Variants in CDH18 observed in about 807,000 individuals in gnomAD.
CDH18 encodes the protein cadherin 18, also known as cadherin-18.
A neutral mutation model predicts 67.9 loss-of-function variants in CDH18; 31 were observed. That is an observed-to-expected ratio of 0.46 (90% confidence interval 0.34 to 0.62). CDH18 has a LOEUF of 0.62. Ranked by LOEUF, CDH18 falls within the 20% of genes least tolerant of loss-of-function variation. CDH18 has a pLI of 0.01. For missense variants in CDH18, 890 were observed against 975.5 expected (o/e 0.91, Z 1.17); for synonymous variants, 362 against 347.2 (o/e 1.04, Z -0.48).
At chr5:20,140,472 T>G (rs1176602792) in intron 2 of CDH18, among the ~76,000 whole-genome samples, 1 of 151,830 alleles carries the variant, frequency 6.6e-6, no homozygotes, top group Admixed American at 6.6e-5. Context: ...ATAATAAAAA[T>G]AAAATAAAAT....
intron 1 of CDH18, among the ~76,000 whole-genome samples, chr5:20,542,148 G>GT (rs1257900787): frequency 6.6e-6 from 1 of 152,104 alleles, no homozygotes; most frequent in Non-Finnish European, 1.5e-5. Flanking sequence ...GTTTCACCAT[G>GT]TTCACCATCA....
At chr5:19,840,107 TA>T (rs72220439) in intron 2 of CDH18, among the ~76,000 whole-genome samples, 29 of 141,924 alleles carry the variant, frequency 2.0e-4, no homozygotes, top group African/African-American at 4.5e-4. Context: ...AATAAAAAAA[TA>T]AAAAAAAAAA....
intron 2 of CDH18, among the ~76,000 whole-genome samples, chr5:20,170,881 C>T (rs1736649010): frequency 6.6e-6 from 1 of 151,904 alleles, no homozygotes; most frequent in Non-Finnish European, 1.5e-5. Flanking sequence ...TTGTAGGCTT[C>T]TGTGTCTGTT....
chr5:20,552,707 C>T (rs892167655), intron 1 of CDH18, among the ~76,000 whole-genome samples: 16 of 151,768 alleles, frequency 1.1e-4, no homozygotes, highest in Non-Finnish European at 1.5e-4. Context: ...ACTTAGTCTA[C>T]GTGAAATTTC....
chr5:19,588,675 A>C (rs1744612387), intron 7 of CDH18, among the ~76,000 whole-genome samples: 1 of 152,078 alleles, frequency 6.6e-6, no homozygotes, highest in Admixed American at 6.6e-5. Flanking sequence ...GTGCAAAGAC[A>C]CTTATGGGCT....
intron 2 of CDH18, among the ~76,000 whole-genome samples, chr5:19,931,389 T>C (rs577119411): frequency 2.0e-5 from 3 of 152,042 alleles, no homozygotes; most frequent in African/African-American, 7.2e-5. Context: ...ACAATGAAAT[T>C]TTATTTTCCT....
At chr5:19,507,231 T>C (rs867655523) in intron 10 of CDH18, among the ~76,000 whole-genome samples, 36 of 152,026 alleles carry the variant, frequency 2.4e-4, no homozygotes, top group African/African-American at 8.2e-4. Context: ...GTTAGAATGG[T>C]GATCATTAAA....
intron 3 of CDH18, among the ~76,000 whole-genome samples, chr5:19,799,306 T>C (rs552867506): frequency 2.0e-5 from 3 of 152,086 alleles, no homozygotes; most frequent in Non-Finnish European, 4.4e-5. Context: ...TCAATGGGTA[T>C]AAAGTTTTCA....
At chr5:20,185,325 C>G (rs1738008516) in intron 2 of CDH18, among the ~76,000 whole-genome samples, 1 of 152,030 alleles carries the variant, frequency 6.6e-6, no homozygotes, top group Admixed American at 6.6e-5. Context: ...AATCTGTATG[C>G]AGCCTTCCCC....
At chr5:19,598,653 T>C (rs919802565) in intron 6 of CDH18, among the ~76,000 whole-genome samples, 22 of 152,268 alleles carry the variant, frequency 1.4e-4, no homozygotes, top group African/African-American at 5.3e-4. Flanking sequence ...AAATATCAAT[T>C]TGATAACAAA....
rs550853403 is a variant in CDH18 at position 19,540,119 on chromosome 5, T to C, written c.1390+3750A>G. On this transcript the variant is annotated intron_variant, in intron 9 of 12. Coordinates refer to ENST00000382275, the MANE Select transcript of CDH18 (RefSeq NM_004934.5). ...AATGGGGGTCTAGGAATTAAGTAAA[T>C]ATAGCCATTCCAAATGGGAAAAATT... Among the ~76,000 whole-genome samples the C allele has an allele frequency of 7.9e-5, 12 of 152,196 alleles. No individual in the cohort carries two copies. The South Asian group carries it at 2.5e-3, about 32-fold the overall frequency.
rs544546672 is a variant in CDH18, at chr5:20,393,355, T to A, written c.-579-137850A>T. Reference sequence around the variant, plus strand: ...ATATATACATTCAAAAGGTGTTCCCTGTGACATAGAATATGTTAATGAAAG... The same window carrying A: ...ATATATACATTCAAAAGGTGTTCCCAGTGACATAGAATATGTTAATGAAAG... On this transcript the variant is annotated intron_variant, in intron 1 of 14. Coordinates refer to the CDH18 transcript ENST00000507958. Among the ~76,000 whole-genome samples the A allele has an allele frequency of 2.0e-5, 3 of 152,124 alleles. No homozygotes were observed. The East Asian group carries it at 5.8e-4, about 29-fold the overall frequency.
intron 12 of CDH18, among the ~76,000 whole-genome samples, chr5:19,482,371 C>T (rs537827790): frequency 6.6e-6 from 1 of 152,224 alleles, no homozygotes; most frequent in South Asian, 2.1e-4. Context: ...CCGCCTCGGC[C>T]TCCCAAAGTG....
At chr5:20,049,818 A>C (rs1741252528) in intron 2 of CDH18, among the ~76,000 whole-genome samples, 1 of 151,730 alleles carries the variant, frequency 6.6e-6, no homozygotes, top group African/African-American at 2.4e-5. Flanking sequence ...TACCAAATGG[A>C]AATGAAGAAG....
chr5:20,494,723 C>T (rs1419418550), intron 1 of CDH18, among the ~76,000 whole-genome samples: 3 of 152,124 alleles, frequency 2.0e-5, no homozygotes, highest in Admixed American at 6.6e-5. Flanking sequence ...AGTCTCATTT[C>T]TTGATGGGCT....
intron 1 of CDH18, among the ~76,000 whole-genome samples, chr5:20,338,055 G>A (rs1018997960): frequency 1.3e-5 from 2 of 152,114 alleles, no homozygotes; most frequent in South Asian, 2.1e-4. Flanking sequence ...AGGAGAACAC[G>A]ATGGGAAAGA....
At chr5:19,982,992 C>CAAG (rs1211456715) in intron 1 of CDH18, among the ~76,000 whole-genome samples, 7 of 144,054 alleles carry the variant, frequency 4.9e-5, no homozygotes, top group Non-Finnish European at 9.1e-5. Context: ...TGCAGTGCGC[C>CAAG]ACTGTCGTCC....
intron 2 of CDH18, among the ~76,000 whole-genome samples, chr5:20,243,008 T>A (rs1024374171): frequency 2.7e-4 from 41 of 152,188 alleles, no homozygotes; most frequent in African/African-American, 9.6e-4. Flanking sequence ...AATTCATGTT[T>A]AATTGTTGCT....
chr5:20,299,542 C>G (rs1385347851), intron 1 of CDH18, among the ~76,000 whole-genome samples: 1 of 151,798 alleles, frequency 6.6e-6, no homozygotes, highest in Non-Finnish European at 1.5e-5. Flanking sequence ...AGGCAGATCA[C>G]AAGGTCAGAA....
Sources: allele counts gnomAD v4.1 joint callset (sites outside exome capture counted in the v4.1 genomes callset), GRCh38; gene constraint gnomAD v4.1.1; transcripts MANE v1.5; gene names NCBI Gene and HGNC (gene_info 2026-07-23, HGNC 2026-07-21).